The following ENOX1 variants were observed in gnomAD, a reference collection of about 807,000 sequenced individuals.
ENOX1 encodes candidate growth-related and time keeping constitutive hydroquinone (NADH) oxidase.
In ENOX1, 42 loss-of-function variants were observed where a neutral mutation model predicts 82.5. The observed-to-expected ratio is 0.51, with a 90% CI of 0.40 to 0.66. The LOEUF (loss-of-function observed/expected upper bound fraction) is 0.66, where lower values mean the gene tolerates loss of function less well. Among genes scored for constraint, ENOX1 ranks in the 30% least tolerant of loss-of-function variants. The probability of loss-of-function intolerance (pLI) is 0.00; values close to 1 mark genes in which losing one functional copy is unlikely to be tolerated. For missense variants in ENOX1, 608 were observed against 811.6 expected (o/e 0.75, Z 3.05); for synonymous variants, 271 against 282.2 (o/e 0.96, Z 0.40).
At chr13:43,560,666 A>G (rs2079630378) in intron 2 of ENOX1, among the ~76,000 whole-genome samples, 1 of 152,152 alleles carries the variant, frequency 6.6e-6, no homozygotes. Context: ...CTAATTTTTC[A>G]TTTGTCTATT....
chr13:43,697,223 G>A (rs1441926958), intron 1 of ENOX1, among the ~76,000 whole-genome samples: 3 of 152,098 alleles, frequency 2.0e-5, no homozygotes, highest in African/African-American at 7.2e-5. Context: ...ATGTAGGTAG[G>A]GTCCATTAAG....
chr13:43,586,730 A>G (rs1399470339), intron 2 of ENOX1, among the ~76,000 whole-genome samples: 1 of 152,152 alleles, frequency 6.6e-6, no homozygotes, highest in Non-Finnish European at 1.5e-5. Context: ...GTCAGACACC[A>G]TGTCCTCACA....
chr13:43,244,660 C>T (rs903716923), intron 14 of ENOX1, among the ~76,000 whole-genome samples: 5 of 152,118 alleles, frequency 3.3e-5, no homozygotes, highest in African/African-American at 9.7e-5. Flanking sequence ...GAGAAACCAC[C>T]GCCATGTGAC....
chr13:43,760,533 TG>T (rs1950905861), intron 1 of ENOX1, among the ~76,000 whole-genome samples: 1 of 152,156 alleles, frequency 6.6e-6, no homozygotes, highest in Admixed American at 6.5e-5. Flanking sequence ...TAAACATCCC[TG>T]GATCAGTGAT....
intron 1 of ENOX1, among the ~76,000 whole-genome samples, chr13:43,677,229 C>T (rs1269980452): frequency 6.6e-6 from 1 of 152,054 alleles, no homozygotes; most frequent in Non-Finnish European, 1.5e-5. Context: ...TTTGGAGGGG[C>T]CTGGGTTCAG....
Position 43,384,917 on chromosome 13 carries a change from C to A in ENOX1, c.209-23465G>T, listed in dbSNP as rs554778980. On this transcript the variant is annotated intron_variant, in intron 5 of 16. Transcript: ENST00000690772. ...AGTTGTTTCCTGGTTTTTTCCTTGG[C>A]CCCTACTAGGTACCCTGATTCAAAC... 3.3e-5 allele frequency among the ~76,000 whole-genome samples: 5 copies of A among 152,204 alleles called. No individual in the cohort carries two copies. In the East Asian group the frequency reaches 9.6e-4, roughly 29 times the overall value.
intron 1 of ENOX1, among the ~76,000 whole-genome samples, chr13:43,709,880 T>C (rs1188600559): frequency 1.3e-5 from 2 of 152,150 alleles, no homozygotes; most frequent in Admixed American, 1.3e-4. Context: ...AATTTTTAAA[T>C]CTCTTCCAAA....
At chr13:43,638,195 T>G (rs576708751) in intron 2 of ENOX1, among the ~76,000 whole-genome samples, 8 of 152,182 alleles carry the variant, frequency 5.3e-5, no homozygotes, top group Non-Finnish European at 7.4e-5. Context: ...GGTTGGTTAC[T>G]TCAGGAAGGG....
chr13:43,633,699 T>TGTGTGTGC (rs2083307514), intron 2 of ENOX1, among the ~76,000 whole-genome samples: 1 of 151,680 alleles, frequency 6.6e-6, no homozygotes, highest in African/African-American at 2.4e-5. Context: ...TGTGTGTGTG[T>TGTGTGTGC]GTGTGTGTGT....
chr13:43,510,448 A>G (rs1251936452), intron 2 of ENOX1, among the ~76,000 whole-genome samples: 1 of 152,138 alleles, frequency 6.6e-6, no homozygotes. Context: ...AAATGAATAA[A>G]CACCTTGTAA....
intron 12 of ENOX1, among the ~76,000 whole-genome samples, chr13:43,281,471 CA>C (rs1209626697): frequency 3.9e-5 from 6 of 152,024 alleles, no homozygotes; most frequent in Non-Finnish European, 7.4e-5. Context: ...ATGATAACAG[CA>C]AAAAAGGCCT....
intron 2 of ENOX1, among the ~76,000 whole-genome samples, chr13:43,627,552 T>C (rs2083019422): frequency 6.6e-6 from 1 of 152,070 alleles, no homozygotes; most frequent in Admixed American, 6.6e-5. Context: ...CCACTTAAAA[T>C]ATAGTTGTCT....
intron 3 of ENOX1, among the ~76,000 whole-genome samples, chr13:43,435,306 G>C (rs991140951): frequency 6.6e-5 from 10 of 152,146 alleles, no homozygotes; most frequent in African/African-American, 2.4e-4. Context: ...AGTGTGGCCT[G>C]TTGGTCAGAA....
At chr13:43,515,582 G>A (rs911086881) in intron 2 of ENOX1, among the ~76,000 whole-genome samples, 2 of 152,166 alleles carry the variant, frequency 1.3e-5, no homozygotes, top group Non-Finnish European at 2.9e-5. Flanking sequence ...CAATACTCAT[G>A]TTATAGATAA....
intron 5 of ENOX1, among the ~76,000 whole-genome samples, chr13:43,367,969 T>G (rs562241599): frequency 8.4e-4 from 128 of 152,336 alleles, no homozygotes; most frequent in Non-Finnish European, 1.5e-3. Flanking sequence ...GGTTTTCCCT[T>G]TGTGAAATAA....
intron 2 of ENOX1, among the ~76,000 whole-genome samples, chr13:43,592,445 A>ATT (rs899425138): frequency 6.6e-6 from 1 of 152,000 alleles, no homozygotes; most frequent in African/African-American, 2.4e-5. Context: ...CCATCATTGC[A>ATT]TTTTTTTTAA....
intron 2 of ENOX1, among the ~76,000 whole-genome samples, chr13:43,639,029 C>T (rs999920978): frequency 6.6e-6 from 1 of 152,120 alleles, no homozygotes; most frequent in South Asian, 2.1e-4. Flanking sequence ...ACAGGCCGGG[C>T]GTGGTGGCTC....
At chr13:43,415,364 C>T (rs566787139) in intron 3 of ENOX1, among the ~76,000 whole-genome samples, 17 of 147,762 alleles carry the variant, frequency 1.2e-4, no homozygotes, top group African/African-American at 4.2e-4. Context: ...GAACAAAGGT[C>T]TCTGGTTTTC....
intron 5 of ENOX1, among the ~76,000 whole-genome samples, chr13:43,385,534 A>ATTT (rs2052354380): frequency 2.6e-5 from 4 of 152,350 alleles, no homozygotes; most frequent in Admixed American, 1.3e-4. Flanking sequence ...TTTTTCACAC[A>ATTT]TTAGCAAACA....
Sources: allele counts gnomAD v4.1 joint callset (sites outside exome capture counted in the v4.1 genomes callset), GRCh38; gene constraint gnomAD v4.1.1; transcripts MANE v1.5; gene names NCBI Gene and HGNC (gene_info 2026-07-23, HGNC 2026-07-21).